Variants in CAPZB observed in about 807,000 individuals in gnomAD.
The protein encoded by CAPZB is capping actin protein of muscle Z-line subunit beta.
CAPZB carries 2 observed loss-of-function variants against 38.1 expected under a neutral mutation model. The ratio of observed to expected loss-of-function variants is 0.05; its 90% CI spans 0.02 to 0.17. CAPZB has a LOEUF of 0.17. Among genes scored for constraint, CAPZB ranks in the 10% least tolerant of loss-of-function variants. CAPZB has a pLI of 1.00. For synonymous variants in CAPZB, 107 were observed against 127.4 expected (o/e 0.84, Z 1.08); for missense variants, 161 against 334.2 (o/e 0.48, Z 4.04).
chr1:19,419,624 G>A (rs746861365), intron 2 of CAPZB, 37 bp downstream of exon 2: 35 of 1,213,702 alleles, frequency 2.9e-5, no homozygotes, highest in South Asian at 1.3e-4. Flanking sequence ...ACTCTTAGCC[G>A]CAGTCTCAAA....
At position 19,339,563 on chromosome 1, in the gene CAPZB, C is replaced by G; in HGVS notation, c.786G>C (p.Leu262=). 1.9e-6 allele frequency: 3 copies of G among 1,614,090 alleles called. No homozygotes were observed. Among genetic ancestry groups the G allele is most frequent in the East Asian group, 2.2e-5 (1 of 44,878 alleles). The change falls in exon 9 of 9, where the codon CTG becomes CTC. Residue 262 remains leucine (L), a synonymous_variant. Transcript: ENST00000264202. The part of the protein sequence containing the change: ...KSKQEALKND[L]VEALKRKQQC ...GCTGCTTTCTCTTCAAAGCCTCCAC[C>G]AGGTCATTCTTCAGAGCTTCTTGTT... is the stretch of plus-strand genomic sequence containing the variant.
chr1:19,475,711 T>C (rs2094604464), intron 1 of CAPZB, among the ~76,000 whole-genome samples: 1 of 152,118 alleles, frequency 6.6e-6, no homozygotes, highest in African/African-American at 2.4e-5. Context: ...GGCCCCAGTG[T>C]TTAGTCTGTA....
At chr1:19,402,823 A>G (rs1212120078) in intron 2 of CAPZB, among the ~76,000 whole-genome samples, 17 of 152,146 alleles carry the variant, frequency 1.1e-4, no homozygotes, top group Admixed American at 1.1e-3. Context: ...CGAGGCGGGT[A>G]GATCACCTGA....
chr1:19,459,762 A>C (rs2094544638), intron 1 of CAPZB, among the ~76,000 whole-genome samples: 1 of 152,104 alleles, frequency 6.6e-6, no homozygotes, highest in African/African-American at 2.4e-5. Flanking sequence ...AACTCTAGAA[A>C]TGAACAATTC....
At chr1:19,455,484 G>A (rs1368930723) in intron 1 of CAPZB, among the ~76,000 whole-genome samples, 1 of 152,200 alleles carries the variant, frequency 6.6e-6, no homozygotes, top group African/African-American at 2.4e-5. Flanking sequence ...TTAAGGCTGG[G>A]ACTATTATTT....
At chr1:19,449,336 G>C in intron 1 of CAPZB, 1 of 1,021,542 alleles carries the variant, frequency 9.8e-7, no homozygotes, top group Non-Finnish European at 1.2e-6. Flanking sequence ...TGGAGCTGAG[G>C]AACGGGGAAG....
intron 1 of CAPZB, among the ~76,000 whole-genome samples, chr1:19,480,958 A>C (rs2094626327): frequency 6.6e-6 from 1 of 152,218 alleles, no homozygotes; most frequent in East Asian, 1.9e-4. Context: ...CTTTTGGAAA[A>C]TGGTGATAAT....
intron 1 of CAPZB, chr1:19,449,315 A>G (rs2094506788): frequency 9.7e-7 from 1 of 1,035,140 alleles, no homozygotes; most frequent in Middle Eastern, 4.8e-4. Flanking sequence ...GATGCGAGTC[A>G]CGGTCAGGCA....
At chr1:19,403,449 G>A (rs565062825) in intron 2 of CAPZB, among the ~76,000 whole-genome samples, 4 of 152,280 alleles carry the variant, frequency 2.6e-5, no homozygotes, top group South Asian at 2.1e-4. Context: ...TCAAGGAAAC[G>A]GCATGTACAA....
intron 1 of CAPZB, among the ~76,000 whole-genome samples, chr1:19,422,452 C>T (rs1184969740): frequency 1.3e-5 from 2 of 152,078 alleles, no homozygotes; most frequent in African/African-American, 4.8e-5. Flanking sequence ...TGCAGGCAAA[C>T]GTTTTATATA....
chr1:19,478,377 T>C (rs2094614497), intron 1 of CAPZB, among the ~76,000 whole-genome samples: 1 of 152,224 alleles, frequency 6.6e-6, no homozygotes, highest in Admixed American at 6.5e-5. Flanking sequence ...CCAGGCATCG[T>C]CTACACTTTC....
intron 2 of CAPZB, among the ~76,000 whole-genome samples, chr1:19,413,267 A>G (rs2094365074): frequency 6.6e-6 from 1 of 152,244 alleles, no homozygotes; most frequent in Non-Finnish European, 1.5e-5. Context: ...GACTTCCAGG[A>G]GGTGCTCAAT....
intron 1 of CAPZB, among the ~76,000 whole-genome samples, chr1:19,472,282 G>A (rs2094591376): frequency 6.6e-6 from 1 of 152,222 alleles, no homozygotes; most frequent in South Asian, 2.1e-4. Context: ...GAAGGCAGAT[G>A]TTGCCATCTA....
chr1:19,352,812 C>T lies in CAPZB; in HGVS notation c.588+3823G>A, dbSNP rs148666418. Among the ~76,000 whole-genome samples, 487 of 152,318 alleles carry T rather than the reference C, an allele frequency of 3.2e-3. 3 individuals carry two copies. The highest frequency in any genetic ancestry group is 9.8e-3 in the African/African-American group (407 of 41,576). On this transcript the variant is annotated intron_variant, in intron 6 of 8. Transcript: ENST00000264202. ...GGTTGGAGGTGGGAGAAGTAAAAGC[C>T]GAAAATGATGGAGGCAGGGCTAGGT...
chr1:19,411,239 T>C (rs1222006768), intron 2 of CAPZB, among the ~76,000 whole-genome samples: 1 of 152,160 alleles, frequency 6.6e-6, no homozygotes, highest in Non-Finnish European at 1.5e-5. Flanking sequence ...AAAATTTTTT[T>C]CCATGTAATT....
chr1:19,477,672 G>A (rs1006030152), intron 1 of CAPZB, among the ~76,000 whole-genome samples: 1 of 152,230 alleles, frequency 6.6e-6, no homozygotes, highest in East Asian at 1.9e-4. Context: ...AAAGGGCACC[G>A]GTACCACCGG....
chr1:19,416,010 A>G (rs1262341793), intron 2 of CAPZB, among the ~76,000 whole-genome samples: 2 of 152,236 alleles, frequency 1.3e-5, no homozygotes, highest in African/African-American at 4.8e-5. Context: ...CCTCTTGTTC[A>G]GCCTCTGAGG....
chr1:19,440,629 G>C (rs925330767), intron 1 of CAPZB, among the ~76,000 whole-genome samples: 1 of 152,144 alleles, frequency 6.6e-6, no homozygotes, highest in Non-Finnish European at 1.5e-5. Flanking sequence ...GACTTGGGCA[G>C]ACATCCAAGC....
intron 2 of CAPZB, among the ~76,000 whole-genome samples, chr1:19,418,886 T>A (rs1474898358): frequency 6.6e-6 from 1 of 152,136 alleles, no homozygotes; most frequent in Non-Finnish European, 1.5e-5. Flanking sequence ...GATAATTACA[T>A]CCAAGAAGAC....
Sources: gnomAD v4.1 joint callset for allele counts (sites outside exome capture counted in the v4.1 genomes callset) on GRCh38, gnomAD v4.1.1 for gene constraint, MANE v1.5 for transcripts, NCBI Gene and HGNC (gene_info 2026-07-23, HGNC 2026-07-21) for gene names.